Variants in NPAS3 observed in about 807,000 individuals in gnomAD.
NPAS3 encodes neuronal PAS domain protein 3.
Under a neutral mutation model 73.1 loss-of-function variants are expected in NPAS3, and 14 were observed. The ratio of observed to expected loss-of-function variants is 0.19; its 90% confidence interval spans 0.13 to 0.30. The LOEUF (loss-of-function observed/expected upper bound fraction) is 0.30. NPAS3 is among the 10% of genes least tolerant of loss of function. NPAS3 has a pLI of 1.00. For synonymous variants in NPAS3, 620 were observed against 541.5 expected, an observed-to-expected ratio of 1.14 and a Z score of -2.01; for missense variants, 1,096 against 1,250.0, an observed-to-expected ratio of 0.88 and a Z score of 1.86.
intron 2 of NPAS3, among the ~76,000 whole-genome samples, chr14:33,198,772 G>A (rs983341958): frequency 3.9e-5 from 6 of 152,198 alleles, no homozygotes; most frequent in Non-Finnish European, 7.3e-5. Flanking sequence ...AGATGGGACC[G>A]GACGCCATGG....
intron 2 of NPAS3, among the ~76,000 whole-genome samples, chr14:33,193,434 C>T (rs753962603): frequency 6.6e-6 from 1 of 151,832 alleles, no homozygotes; most frequent in African/African-American, 2.4e-5. Flanking sequence ...GGGGCAGCAA[C>T]AAAACAAGTA....
chr14:32,948,790 C>T (rs2036368448), intron 1 of NPAS3, among the ~76,000 whole-genome samples: 1 of 152,050 alleles, frequency 6.6e-6, no homozygotes, highest in Non-Finnish European at 1.5e-5. Context: ...CTCCATTCCT[C>T]ATATATATCG....
intron 1 of NPAS3, among the ~76,000 whole-genome samples, chr14:33,049,503 G>A (rs1249464855): frequency 6.6e-6 from 1 of 152,158 alleles, no homozygotes; most frequent in Non-Finnish European, 1.5e-5. Flanking sequence ...ATGGCGGCAG[G>A]CAAAGACGAG....
intron 4 of NPAS3, among the ~76,000 whole-genome samples, chr14:33,536,475 T>A (rs960327084): frequency 6.6e-6 from 1 of 152,182 alleles, no homozygotes; most frequent in Non-Finnish European, 1.5e-5. Flanking sequence ...AAAAATATTA[T>A]CATGATTTGT....
intron 2 of NPAS3, among the ~76,000 whole-genome samples, chr14:33,120,784 A>G (rs561328966): frequency 2.7e-4 from 41 of 152,080 alleles, no homozygotes; most frequent in Non-Finnish European, 5.0e-4. Context: ...TTTTAAGGCT[A>G]TGAGCCTCAA....
intron 1 of NPAS3, among the ~76,000 whole-genome samples, chr14:32,953,306 C>T (rs2036557142): frequency 6.6e-6 from 1 of 152,102 alleles, no homozygotes; most frequent in Non-Finnish European, 1.5e-5. Flanking sequence ...CCCTTTCCCC[C>T]TCCTGCAACT....
intron 5 of NPAS3, among the ~76,000 whole-genome samples, chr14:33,633,262 G>T (rs147127022): frequency 6.6e-6 from 1 of 152,106 alleles, no homozygotes; most frequent in East Asian, 1.9e-4. Context: ...AGGGATGGCT[G>T]TATGTAATTG....
intron 3 of NPAS3, among the ~76,000 whole-genome samples, chr14:33,222,436 T>C (rs111279057): frequency 7.2e-5 from 11 of 152,210 alleles, no homozygotes; most frequent in African/African-American, 2.4e-4. Flanking sequence ...ACACCTTCTA[T>C]TGGGTTTGCT....
intron 2 of NPAS3, among the ~76,000 whole-genome samples, chr14:33,059,418 T>C (rs2138560976): frequency 6.6e-6 from 1 of 152,362 alleles, no homozygotes; most frequent in Middle Eastern, 3.4e-3. Flanking sequence ...ATGCTTATTA[T>C]ACTTTCAATT....
At chr14:33,054,251 GA>G (rs1197903167) in intron 1 of NPAS3, among the ~76,000 whole-genome samples, 4 of 152,094 alleles carry the variant, frequency 2.6e-5, no homozygotes, top group Non-Finnish European at 5.9e-5. Flanking sequence ...GTAAACTTTT[GA>G]AATTCCACTG....
intron 5 of NPAS3, among the ~76,000 whole-genome samples, chr14:33,584,814 A>C (rs1321313332): frequency 6.6e-6 from 1 of 152,196 alleles, no homozygotes. Context: ...CTGTTTCTTC[A>C]GGAAAAGTTA....
intron 2 of NPAS3, among the ~76,000 whole-genome samples, chr14:33,107,035 T>C (rs1178340190): frequency 2.0e-5 from 3 of 152,122 alleles, no homozygotes; most frequent in Non-Finnish European, 4.4e-5. Context: ...ATTCTCACTT[T>C]TTCTGTGTCT....
intron 3 of NPAS3, among the ~76,000 whole-genome samples, chr14:33,361,291 C>T (rs1285591741): frequency 6.6e-6 from 1 of 152,138 alleles, no homozygotes; most frequent in East Asian, 1.9e-4. Flanking sequence ...TATTTGGTTG[C>T]CGTTTCACAT....
intron 3 of NPAS3, among the ~76,000 whole-genome samples, chr14:33,303,331 T>G (rs1229595317): frequency 6.6e-6 from 1 of 152,064 alleles, no homozygotes; most frequent in African/African-American, 2.4e-5. Flanking sequence ...TAGAACTTAC[T>G]CAAAATTTAA....
intron 1 of NPAS3, among the ~76,000 whole-genome samples, chr14:33,007,041 C>T (rs766072176): frequency 2.0e-5 from 3 of 152,118 alleles, no homozygotes; most frequent in Non-Finnish European, 2.9e-5. Context: ...TCCATTAGCA[C>T]CTATTTTCCA....
intron 1 of NPAS3, among the ~76,000 whole-genome samples, chr14:33,023,065 T>A (rs1293968456): frequency 2.0e-5 from 3 of 151,562 alleles, no homozygotes; most frequent in African/African-American, 4.9e-5. Context: ...TAAGCCGACA[T>A]AACAAAAATA....
intron 5 of NPAS3, among the ~76,000 whole-genome samples, chr14:33,632,843 A>G (rs1249896857): frequency 2.6e-5 from 4 of 152,180 alleles, no homozygotes; most frequent in Non-Finnish European, 5.9e-5. Context: ...ACCTTCTTTT[A>G]TAGGAAAAGA....
intron 4 of NPAS3, among the ~76,000 whole-genome samples, chr14:33,451,383 C>G (rs568702871): frequency 6.6e-6 from 1 of 152,152 alleles, no homozygotes; most frequent in Non-Finnish European, 1.5e-5. Context: ...CTTGGCAAAG[C>G]CTGTGGACCT....
At chr14:33,347,485 T>C (rs559729902) in intron 3 of NPAS3, among the ~76,000 whole-genome samples, 11 of 152,350 alleles carry the variant, frequency 7.2e-5, no homozygotes, top group African/African-American at 2.6e-4. Flanking sequence ...TAAAGCAGAC[T>C]AAGATGCTTT....
Sources: gnomAD v4.1 joint callset for allele counts (sites outside exome capture counted in the v4.1 genomes callset) on GRCh38, gnomAD v4.1.1 for gene constraint, MANE v1.5 for transcripts, NCBI Gene and HGNC (gene_info 2026-07-23, HGNC 2026-07-21) for gene names.